The following CDH13 variants were observed in gnomAD, a reference collection of about 807,000 sequenced individuals.
The protein encoded by CDH13 is cadherin 13, also known as cadherin-13.
In CDH13, 24 loss-of-function variants were observed where a neutral mutation model predicts 63.8. That is an observed-to-expected ratio of 0.38 (90% CI 0.27 to 0.53). The LOEUF (loss-of-function observed/expected upper bound fraction) is 0.53. CDH13 is among the 20% of genes least tolerant of loss of function. The probability of loss-of-function intolerance (pLI) is 0.85; values close to 1 mark genes in which losing one functional copy is unlikely to be tolerated. For synonymous variants in CDH13, 503 were observed against 355.3 expected (o/e 1.42, Z -4.67); for missense variants, 1,049 against 903.1 (o/e 1.16, Z -2.07).
intron 5 of CDH13, among the ~76,000 whole-genome samples, chr16:83,245,151 T>G (rs1012639092): frequency 6.6e-6 from 1 of 152,172 alleles, no homozygotes; most frequent in African/African-American, 2.4e-5. Context: ...TCAGATAATT[T>G]TGAAAACCTT....
intron 1 of CDH13, among the ~76,000 whole-genome samples, chr16:82,851,366 C>T (rs1157396300): frequency 6.8e-6 from 1 of 147,082 alleles, no homozygotes. Flanking sequence ...ACCCTGGAGG[C>T]GGAGGGTGCA....
Position 82,859,290 on chromosome 16 carries a change from G to C in CDH13, c.157+817G>C, listed in dbSNP as rs528496530. 133 of 152,380 alleles carry C rather than the reference G, an allele frequency of 8.7e-4. 1 individual carries two copies. The highest frequency in any genetic ancestry group is 3.2e-3 in the African/African-American group (132 of 41,580). 9.4% of individuals were successfully genotyped at this position (152,380 alleles called of 1,614,324 possible). ...TGATCAGATGCAGTCGGGTGTGATG[G>C]CTCATGCCTGTAATCTCACCACTTT... On this transcript the variant is annotated intron_variant, in intron 2 of 13. Transcript: ENST00000567109.
intron 10 of CDH13, among the ~76,000 whole-genome samples, chr16:83,728,226 C>A (rs963689601): frequency 6.6e-6 from 1 of 152,080 alleles, no homozygotes; most frequent in Non-Finnish European, 1.5e-5. Flanking sequence ...GCACACTGGG[C>A]CCTGGAGAGA....
Position 82,896,374 on chromosome 16 carries a change from C to G in CDH13, c.157+37901C>G, listed in dbSNP as rs1597162498. On this transcript the variant is annotated intron_variant, in intron 2 of 13. Coordinates refer to ENST00000567109, the MANE Select transcript of CDH13 (RefSeq NM_001257.5). ...TGGCGCTATCACAGCTTATTGCAGT[C>G]TTGGCCTCCTGGACTCAAGTAATCC... Among the ~76,000 whole-genome samples the G allele has an allele frequency of 1.4e-5, 2 of 141,472 alleles. 1 individual carries two copies. Among genetic ancestry groups the G allele is most frequent in the Middle Eastern group, 8.6e-3 (2 of 232 alleles). The allele number at this position is 141,472 out of a possible 152,430, so 92.8% of individuals were successfully genotyped here.
intron 1 of CDH13, among the ~76,000 whole-genome samples, chr16:82,818,499 A>G (rs2037835317): frequency 6.6e-6 from 1 of 152,240 alleles, no homozygotes; most frequent in Non-Finnish European, 1.5e-5. Flanking sequence ...AAAAAGTTAC[A>G]TGAGCACATA....
At position 82,644,527 on chromosome 16, in the gene CDH13, G is replaced by C. The variant is rs1218186021; in HGVS notation, c.45+17390G>C. ...AGTGAAACAAGGAAAGCAGCCTAGA[G>C]CTGGTCCCCAGACCAGGCCCAGTGC... On this transcript the variant is annotated intron_variant, in intron 1 of 13. Coordinates refer to ENST00000567109, the MANE Select transcript of CDH13 (RefSeq NM_001257.5). The surrounding 1 kb of genome is among the most constrained non-coding windows in gnomAD (Gnocchi z 5.7). 6.6e-6 allele frequency among the ~76,000 whole-genome samples: 1 copy of C among 152,190 alleles called. No homozygotes were observed. The highest frequency in any genetic ancestry group is 2.1e-4 in the South Asian group (1 of 4,832).
intron 5 of CDH13, among the ~76,000 whole-genome samples, chr16:83,273,263 C>T (rs2088881543): frequency 6.6e-6 from 1 of 152,060 alleles, no homozygotes; most frequent in African/African-American, 2.4e-5. Context: ...GTTTGGTGTA[C>T]AGACGATTTT....
At chr16:83,092,668 C>T (rs576448372) in intron 3 of CDH13, among the ~76,000 whole-genome samples, 1 of 152,112 alleles carries the variant, frequency 6.6e-6, no homozygotes, top group Admixed American at 6.6e-5. Context: ...ATTGGCTGTA[C>T]AATTCTGTTT....
chr16:83,074,156 C>G (rs2032653085), intron 3 of CDH13, among the ~76,000 whole-genome samples: 1 of 152,190 alleles, frequency 6.6e-6, no homozygotes, highest in South Asian at 2.1e-4. Flanking sequence ...CGACAAACAT[C>G]TGCATCCTTC....
rs553884928 is a variant in CDH13 at position 83,368,292 on chromosome 16, A to T, written c.781+23286A>T. Among the ~76,000 whole-genome samples the T allele has an allele frequency of 8.5e-5, 13 of 152,326 alleles. No homozygotes were observed. The South Asian group carries it at 2.5e-3, about 29-fold the overall frequency. On this transcript the variant is annotated intron_variant, in intron 6 of 13. Coordinates refer to ENST00000567109, the MANE Select transcript of CDH13 (RefSeq NM_001257.5). ...GTACATGTGCACAAGTCAAATATTA[A>T]ACAGATACATACTGAGGTAGCATTG...
At chr16:82,927,569 C>G (rs76063598) in intron 2 of CDH13, among the ~76,000 whole-genome samples, 2,713 of 152,256 alleles carry the variant, frequency 0.018, 84 homozygotes, top group African/African-American at 0.062. Flanking sequence ...CTTCTTCTTT[C>G]TCTGGGAAAC....
At chr16:83,557,034 G>A (rs8052642) in intron 7 of CDH13, among the ~76,000 whole-genome samples, 48,964 of 152,100 alleles carry the variant, frequency 0.32, 7,957 homozygotes, top group Middle Eastern at 0.38. Context: ...GTGAGCGAAC[G>A]AAGCTTCATC....
chr16:83,657,531 G>C (rs1251298944), intron 8 of CDH13, among the ~76,000 whole-genome samples: 4 of 152,160 alleles, frequency 2.6e-5, no homozygotes, highest in African/African-American at 9.7e-5. Context: ...GCTCCAAAGT[G>C]TTCCTTGACA....
intron 1 of CDH13, among the ~76,000 whole-genome samples, chr16:82,819,925 A>G (rs574783475): frequency 2.6e-5 from 4 of 152,330 alleles, no homozygotes; most frequent in Admixed American, 1.3e-4. Context: ...TGAGGGCTAG[A>G]TGGATGCTGG....
intron 3 of CDH13, among the ~76,000 whole-genome samples, chr16:83,110,384 G>T (rs2034998920): frequency 6.6e-6 from 1 of 152,214 alleles, no homozygotes; most frequent in Admixed American, 6.5e-5. Context: ...TGACAATCCA[G>T]TGACCACAAC....
intron 8 of CDH13, among the ~76,000 whole-genome samples, chr16:83,604,425 G>T (rs749472417): frequency 2.6e-5 from 4 of 152,178 alleles, no homozygotes; most frequent in African/African-American, 7.2e-5. Context: ...CACCACCGGG[G>T]TGGGGATAGG....
At chr16:82,837,952 G>A (rs557121144) in intron 1 of CDH13, among the ~76,000 whole-genome samples, 2 of 152,198 alleles carry the variant, frequency 1.3e-5, no homozygotes, top group Non-Finnish European at 2.9e-5. Flanking sequence ...ATTGCAGTCT[G>A]CAATCTGCTT....
rs562016816 is a variant in CDH13, at chr16:83,336,258, G to A, written c.637-8604G>A. 6.0e-3 allele frequency among the ~76,000 whole-genome samples: 865 copies of A among 144,530 alleles called. 6 individuals are homozygous for A. Among genetic ancestry groups the A allele is most frequent in the African/African-American group, 0.021 (792 of 38,346 alleles). The allele number at this position is 144,530 out of a possible 152,430, so 94.8% of individuals were successfully genotyped here. A position where few individuals can be genotyped will look rare whatever the true frequency, so the allele number is the denominator to read the frequency against. ...AGAGATTGCAGTGAACCAAGATCAC[G>A]CCACTGTACTCCAGCATGGGTGACA... On this transcript the variant is annotated intron_variant, in intron 5 of 13. Transcript: ENST00000567109.
intron 2 of CDH13, among the ~76,000 whole-genome samples, chr16:82,988,898 C>G (rs1346089860): frequency 6.6e-6 from 1 of 152,158 alleles, no homozygotes; most frequent in East Asian, 1.9e-4. Context: ...GACATCAGGT[C>G]AGAACATTCC....
Sources: gnomAD v4.1 joint callset for allele counts (sites outside exome capture counted in the v4.1 genomes callset) on GRCh38, gnomAD v4.1.1 for gene constraint, Gnocchi (gnomAD v3.1) non-coding constraint, MANE v1.5 for transcripts, NCBI Gene and HGNC (gene_info 2026-07-23, HGNC 2026-07-21) for gene names.